The following RTN4RL1 variants were observed in gnomAD, a reference collection of about 807,000 sequenced individuals.
RTN4RL1 encodes reticulon 4 receptor like 1.
RTN4RL1 carries 7 observed loss-of-function variants against 25.6 expected under a neutral mutation model. The ratio of observed to expected loss-of-function variants is 0.27; its 90% CI spans 0.16 to 0.51. The LOEUF is 0.51. Ranked by LOEUF, RTN4RL1 falls within the 20% of genes least tolerant of loss-of-function variation. The pLI is 0.97. For synonymous variants in RTN4RL1, 297 were observed against 288.2 expected, an observed-to-expected ratio of 1.03 and a Z score of -0.31; for missense variants, 500 against 615.6, an observed-to-expected ratio of 0.81 and a Z score of 1.99.
At position 2,024,975 on chromosome 17, in the gene RTN4RL1, G is replaced by A; in HGVS notation, c.-110C>T. On this transcript the variant is annotated 5_prime_UTR_variant, in exon 1 of 2. Coordinates refer to ENST00000331238, the MANE Select transcript of RTN4RL1 (RefSeq NM_178568.4). ...AGCTAATCCGAGCGCGTCGAGGCGG[G>A]GGCAAGCCGGGGATCCGCTCGTGCC... 1.7e-6 allele frequency: 2 copies of A among 1,196,964 alleles called. No individual in the cohort carries two copies. Among genetic ancestry groups the A allele is most frequent in the South Asian group, 2.7e-5 (2 of 73,416 alleles). 74.1% of individuals were successfully genotyped at this position (1,196,964 alleles called of 1,614,324 possible).
At chr17:1,947,743 C>T (rs1282268886) in intron 1 of RTN4RL1, among the ~76,000 whole-genome samples, 1 of 152,210 alleles carries the variant, frequency 6.6e-6, no homozygotes, top group Non-Finnish European at 1.5e-5. Context: ...GGTCTCCTTG[C>T]TGTGAAGGTC....
chr17:1,975,363 T>TG (rs2066838451), intron 1 of RTN4RL1, among the ~76,000 whole-genome samples: 1 of 152,076 alleles, frequency 6.6e-6, no homozygotes, highest in African/African-American at 2.4e-5. Context: ...CAGAAAACTT[T>TG]GGGGGGACCA....
chr17:1,939,143 G>C (rs1016253572), intron 1 of RTN4RL1, among the ~76,000 whole-genome samples: 3 of 152,026 alleles, frequency 2.0e-5, no homozygotes, highest in African/African-American at 7.3e-5. Flanking sequence ...ACGAGGTCAG[G>C]AGATCGAGAC....
chr17:1,976,446 A>G (rs2066843046), intron 1 of RTN4RL1, among the ~76,000 whole-genome samples: 1 of 152,248 alleles, frequency 6.6e-6, no homozygotes, highest in African/African-American at 2.4e-5. Flanking sequence ...TTCTCTCTGC[A>G]TGAGGTTGAG....
chr17:1,997,991 G>A (rs933377508), intron 1 of RTN4RL1, among the ~76,000 whole-genome samples: 1 of 152,142 alleles, frequency 6.6e-6, no homozygotes, highest in South Asian at 2.1e-4. Context: ...TGGGGCCTGG[G>A]GGCGGGCAGC....
chr17:1,936,663 T>C lies in RTN4RL1; in HGVS notation c.1159A>G (p.Lys387Glu). The C allele has an allele frequency of 6.3e-7, 1 of 1,588,678 alleles. No individual in the cohort carries two copies. Among genetic ancestry groups the C allele is most frequent in the Non-Finnish European group, 8.6e-7 (1 of 1,168,828 alleles). The change falls in exon 2 of 2, where the codon AAG becomes GAG. Residue 387 changes from lysine (K) to glutamate (E), a missense_variant. By Grantham distance (56) the Lys-to-Glu change is moderately conservative. This residue lies in a region of RTN4RL1 where 268 missense variants were observed against 274.5 expected (regional missense o/e 0.98). Coordinates refer to ENST00000331238, the MANE Select transcript of RTN4RL1 (RefSeq NM_178568.4). ...LPDYAPDYQH[K>E]FSFDIMPTAR... is the part of the protein sequence containing the mutation. ...GTAGGCATGATGTCAAAACTGAACTTGTGCTGGTAGTCTGGGGCATAGTCT... is the reference window on the plus strand; with the variant it reads ...GTAGGCATGATGTCAAAACTGAACTCGTGCTGGTAGTCTGGGGCATAGTCT...
At chr17:2,000,631 T>C (rs2066952661) in intron 1 of RTN4RL1, among the ~76,000 whole-genome samples, 1 of 152,186 alleles carries the variant, frequency 6.6e-6, no homozygotes. Context: ...GTCATTCTCC[T>C]GCCTCAGCCT....
chr17:2,014,863 T>A (rs1003886999), intron 1 of RTN4RL1, among the ~76,000 whole-genome samples: 1 of 151,394 alleles, frequency 6.6e-6, no homozygotes, highest in South Asian at 2.1e-4. Flanking sequence ...CATGATTCAA[T>A]TGAATCCAAA....
chr17:1,978,716 C>T lies in RTN4RL1; in HGVS notation c.14-40908G>A, dbSNP rs114060066. On this transcript the variant is annotated intron_variant, in intron 1 of 1. Coordinates refer to ENST00000331238, the MANE Select transcript of RTN4RL1 (RefSeq NM_178568.4). ...TGGAGCGTGGTGCTTAGCAAATAGC[C>T]CTCCATTCAGCTCAGAGAAAGAAAT... Among the ~76,000 whole-genome samples the T allele has an allele frequency of 7.0e-3, 1,072 of 152,256 alleles. 8 individuals are homozygous for T. The highest frequency in any genetic ancestry group is 0.025 in the African/African-American group (1,037 of 41,548).
chr17:1,975,659 AAAAG>A (rs1236268971), intron 1 of RTN4RL1, among the ~76,000 whole-genome samples: 1 of 152,068 alleles, frequency 6.6e-6, no homozygotes, highest in African/African-American at 2.4e-5. Flanking sequence ...TCAAAAAAGA[AAAAG>A]AAAGGAAAAG....
chr17:1,946,703 C>A (rs1256649806), intron 1 of RTN4RL1, among the ~76,000 whole-genome samples: 2 of 130,396 alleles, frequency 1.5e-5, no homozygotes, highest in African/African-American at 6.1e-5. Flanking sequence ...TGTGTGTGCA[C>A]GGGGTCTGTG....
chr17:2,000,821 G>C (rs564227804), intron 1 of RTN4RL1, among the ~76,000 whole-genome samples: 2 of 151,980 alleles, frequency 1.3e-5, no homozygotes, highest in Non-Finnish European at 2.9e-5. Context: ...CAGCTGGCAG[G>C]GTTCTGGTTC....
At chr17:1,959,065 C>T (rs1367534250) in intron 1 of RTN4RL1, among the ~76,000 whole-genome samples, 1 of 152,228 alleles carries the variant, frequency 6.6e-6, no homozygotes, top group East Asian at 1.9e-4. Context: ...TCCTGGGCTC[C>T]GCTGGGCTCC....
At chr17:1,984,736 G>T (rs1275800508) in intron 1 of RTN4RL1, among the ~76,000 whole-genome samples, 1 of 152,222 alleles carries the variant, frequency 6.6e-6, no homozygotes, top group Non-Finnish European at 1.5e-5. Context: ...GGAGACCGAG[G>T]CCAGTGGATC....
intron 1 of RTN4RL1, among the ~76,000 whole-genome samples, chr17:1,960,415 G>A (rs906706949): frequency 5.9e-5 from 9 of 151,938 alleles, no homozygotes; most frequent in African/African-American, 1.9e-4. Flanking sequence ...ACCAGCCCAC[G>A]TCGCCCTCGT....
In RTN4RL1 at chr17:1,936,877, TG is replaced by T; in HGVS notation, c.944del (p.Ser315TyrfsTer152). Reference protein sequence around the residue: ...TGPASPHQIKSHTLTTTDRAA... With the variant: ...TGPASPHQIKXHTLTTTDRAA... ...CCCTGTCGGTGGTGGTGAGCGTGTG[TG>T]ACTTGATCTGGTGCGGGGACGCTGG... is the stretch of plus-strand genomic sequence containing the variant. On this transcript the variant is annotated frameshift_variant, in exon 2 of 2. Transcript: ENST00000331238. LOFTEE classifies it high-confidence loss of function. 1.2e-6 allele frequency: 2 copies of T among 1,600,272 alleles called. No individual in the cohort carries two copies. The highest frequency in any genetic ancestry group is 1.7e-6 in the Non-Finnish European group (2 of 1,173,264).
At chr17:1,962,065 T>C (rs2151310313) in intron 1 of RTN4RL1, among the ~76,000 whole-genome samples, 1 of 151,140 alleles carries the variant, frequency 6.6e-6, no homozygotes. Flanking sequence ...GAGGATCACT[T>C]GAGTCCAGGG....
chr17:1,978,141 T>C (rs1046372194), intron 1 of RTN4RL1, among the ~76,000 whole-genome samples: 14 of 152,160 alleles, frequency 9.2e-5, no homozygotes, highest in African/African-American at 2.9e-4. Flanking sequence ...GGGGTCAAGG[T>C]TGGGGCGGCT....
chr17:2,009,453 G>A lies in RTN4RL1; in HGVS notation c.13+15400C>T, dbSNP rs944932494. On this transcript the variant is annotated intron_variant, in intron 1 of 1. Coordinates refer to ENST00000331238, the MANE Select transcript of RTN4RL1 (RefSeq NM_178568.4). The stretch of plus-strand genomic sequence containing the variant: ...CTAAAAACACAAAAATTAGCTGGGC[G>A]TGGTGGTGTGTGCCTGTAATCTCAG... 1.1e-4 allele frequency among the ~76,000 whole-genome samples: 8 copies of A among 74,048 alleles called. 2 individuals carry two copies. The highest frequency in any genetic ancestry group is 2.7e-4 in the African/African-American group (5 of 18,250). 48.6% of individuals were successfully genotyped at this position (74,048 alleles called of 152,430 possible).
Sources: allele counts gnomAD v4.1 joint callset (sites outside exome capture counted in the v4.1 genomes callset), GRCh38; gene constraint gnomAD v4.1.1; regional missense constraint gnomAD v4.1.1; transcripts MANE v1.5; gene names NCBI Gene and HGNC (gene_info 2026-07-23, HGNC 2026-07-21).